PIN4: variants seen among roughly 807,000 people sequenced by gnomAD.
PIN4 encodes the protein peptidyl-prolyl cis-trans isomerase NIMA-interacting 4.
Under a neutral mutation model 8.3 loss-of-function variants are expected in PIN4, and 3 were observed. The ratio of observed to expected loss-of-function variants is 0.36; its 90% CI spans 0.16 to 0.93. The LOEUF (loss-of-function observed/expected upper bound fraction) is 0.93, where lower values mean the gene tolerates loss of function less well. PIN4 is among the 40% of genes least tolerant of loss of function. PIN4 has a pLI of 0.44. For missense variants in PIN4, 75 were observed against 100.6 expected, an observed-to-expected ratio of 0.75 and a Z score of 1.09; for synonymous variants, 18 against 32.5, an observed-to-expected ratio of 0.55 and a Z score of 1.52.
At chrX:72,217,083 C>T (rs188913882) in intron 3 of PIN4, among the ~76,000 whole-genome samples, 3 of 111,687 alleles carry the variant, frequency 2.7e-5, no homozygotes, top group Admixed American at 9.5e-5. Context: ...TGTTTTTTTC[C>T]GGAGTGATTA....
chrX:72,258,525 C>G (rs1367751918), intron 3 of PIN4, among the ~76,000 whole-genome samples: 1 of 111,473 alleles, frequency 9.0e-6, no homozygotes, highest in Non-Finnish European at 1.9e-5. Flanking sequence ...CTCCCTTACT[C>G]CTTGTACAAA....
chrX:72,181,818 A>G lies in PIN4; in HGVS notation c.33A>G (p.Lys11=), dbSNP rs2042674505. ...CCAAAGGAAAAAGTGGTTCTGGAAA[A>G]GCGGGGAAAGGTAGAGCGGCCAGAG... The part of the protein sequence containing the change: MPPKGKSGSG[K]AGKGGAASGS... The change falls in exon 1 of 4, where the codon AAA becomes AAG. Residue 11 remains lysine (K), a synonymous_variant. Transcript: ENST00000373669. 1 of 1,151,182 alleles carries G rather than the reference A, an allele frequency of 8.7e-7. No homozygotes were observed. Among genetic ancestry groups the G allele is most frequent in the Admixed American group, 2.2e-5 (1 of 44,454 alleles). The allele number at this position is 1,151,182 out of a possible 1,213,427, so 94.9% of individuals were successfully genotyped here. A position where few individuals can be genotyped will look rare whatever the true frequency, so the allele number is the denominator to read the frequency against.
chrX:72,229,670 A>G (rs1045183686), intron 3 of PIN4, among the ~76,000 whole-genome samples: 4 of 111,270 alleles, frequency 3.6e-5, no homozygotes, highest in African/African-American at 9.8e-5. Flanking sequence ...TAGTTTATCT[A>G]TCTCCCTCCA....
At chrX:72,238,946 A>C in intron 3 of PIN4, 1 of 1,131,727 alleles carries the variant, frequency 8.8e-7, no homozygotes, top group Non-Finnish European at 1.2e-6. Flanking sequence ...CCCCGGCGGG[A>C]GTTTGGAGCT....
At chrX:72,228,230 C>T (rs73624222) in intron 3 of PIN4, among the ~76,000 whole-genome samples, 26 of 112,184 alleles carry the variant, frequency 2.3e-4, no homozygotes, top group South Asian at 1.1e-3. Context: ...AAACTGCTGG[C>T]GAGGGTGCTC....
At chrX:72,259,557 A>T (rs1254809257) in intron 3 of PIN4, among the ~76,000 whole-genome samples, 1 of 108,928 alleles carries the variant, frequency 9.2e-6, no homozygotes, top group East Asian at 2.9e-4. Flanking sequence ...GAGTGTTCTA[A>T]TACAGTTTAT....
intron 2 of PIN4, 101 bp downstream of exon 2, chrX:72,186,635 C>T: frequency 1.8e-6 from 1 of 553,835 alleles, no homozygotes; most frequent in South Asian, 3.0e-5. Context: ...ACAGGCTAGC[C>T]TAACACTGGT....
chrX:72,254,120 C>T (rs1602461933), intron 3 of PIN4, among the ~76,000 whole-genome samples: 2 of 112,151 alleles, frequency 1.8e-5, no homozygotes, highest in Admixed American at 1.9e-4. Context: ...GAAATACTAT[C>T]GAAACTCCTC....
chrX:72,200,126 A>G (rs1196188052), downstream of PIN4, among the ~76,000 whole-genome samples: 1 of 107,531 alleles, frequency 9.3e-6, no homozygotes, highest in Non-Finnish European at 1.9e-5. Context: ...AGATTGCGCC[A>G]CTGCACTCCA....
At chrX:72,191,759 C>G (rs1396241920) in intron 2 of PIN4, among the ~76,000 whole-genome samples, 1 of 111,759 alleles carries the variant, frequency 8.9e-6, no homozygotes, top group East Asian at 2.8e-4. Flanking sequence ...AGCCCCCTAG[C>G]AACAAAGTTA....
At chrX:72,198,587 G>C (rs768852577), downstream of PIN4, 1 of 112,656 alleles carries the variant, frequency 8.9e-6, no homozygotes, top group African/African-American at 3.2e-5. Flanking sequence ...AGTGGTGTGC[G>C]CCTGTAGTCT....
At chrX:72,202,721 AG>A (rs2042794923), downstream of PIN4, among the ~76,000 whole-genome samples, 1 of 112,058 alleles carries the variant, frequency 8.9e-6, no homozygotes, top group Non-Finnish European at 1.9e-5. Flanking sequence ...GCTTTTAGTA[AG>A]AGCAAAATTT....
At chrX:72,219,278 G>T (rs965711741) in intron 3 of PIN4, among the ~76,000 whole-genome samples, 1 of 109,240 alleles carries the variant, frequency 9.2e-6, no homozygotes, top group African/African-American at 3.4e-5. Context: ...ATAAGGCCAG[G>T]TGCGGTGGCT....
At chrX:72,194,748 T>C (rs1225333158) in intron 2 of PIN4, among the ~76,000 whole-genome samples, 1 of 105,637 alleles carries the variant, frequency 9.5e-6, no homozygotes, top group Non-Finnish European at 1.9e-5. Flanking sequence ...TGTACAGTAA[T>C]GTCCTAGGCC....
chrX:72,262,980 C>T (rs1408142105), exon 4 of PIN4: 3 of 368,931 alleles, frequency 8.1e-6, no homozygotes, highest in East Asian at 4.6e-5. Flanking sequence ...GGAAACCAGA[C>T]AGATGTGGGG....
intron 3 of PIN4, among the ~76,000 whole-genome samples, chrX:72,227,129 T>C (rs752031163): frequency 8.9e-6 from 1 of 112,055 alleles, no homozygotes; most frequent in Admixed American, 9.5e-5. Context: ...TTTCTTCCAG[T>C]TCTCATCAAT....
intron 3 of PIN4, among the ~76,000 whole-genome samples, chrX:72,222,851 C>G (rs933290070): frequency 9.4e-6 from 1 of 106,680 alleles, no homozygotes; most frequent in African/African-American, 3.4e-5. Flanking sequence ...CCGCCTCGGC[C>G]TCCCAAAGTG....
At chrX:72,183,703 TAG>T (rs1286463812) in intron 1 of PIN4, among the ~76,000 whole-genome samples, 1 of 112,025 alleles carries the variant, frequency 8.9e-6, no homozygotes, top group Non-Finnish European at 1.9e-5. Flanking sequence ...GGATGGTAGA[TAG>T]AGAAGGACAG....
chrX:72,214,971 A>C (rs769839792), intron 3 of PIN4, among the ~76,000 whole-genome samples: 74 of 111,821 alleles, frequency 6.6e-4, no homozygotes, highest in Non-Finnish European at 1.9e-4. Context: ...TGGATGAAAA[A>C]GCAAGACTCT....
Sources: gnomAD v4.1 joint callset for allele counts (sites outside exome capture counted in the v4.1 genomes callset) on GRCh38, gnomAD v4.1.1 for gene constraint, MANE v1.5 for transcripts, NCBI Gene and HGNC (gene_info 2026-07-23, HGNC 2026-07-21) for gene names.